Variants in SNTG2 observed in about 807,000 individuals in gnomAD.
SNTG2 encodes syntrophin gamma 2, also known as gamma-2-syntrophin.
In SNTG2, 74 loss-of-function variants were observed where a neutral mutation model predicts 70.9. That is an observed-to-expected ratio of 1.04 (90% CI 0.86 to 1.27). The LOEUF (loss-of-function observed/expected upper bound fraction) is 1.27, where lower values mean the gene tolerates loss of function less well. Ranked by LOEUF, SNTG2 falls within the 50% of genes most tolerant of loss-of-function variation. The probability of loss-of-function intolerance (pLI) is 0.00; values close to 1 mark genes in which losing one functional copy is unlikely to be tolerated. For missense variants in SNTG2, 717 were observed against 690.7 expected (o/e 1.04, Z -0.43); for synonymous variants, 278 against 273.8 (o/e 1.02, Z -0.15).
chr2:1,105,604 T>G (rs1035406243), intron 4 of SNTG2, among the ~76,000 whole-genome samples: 2 of 152,174 alleles, frequency 1.3e-5, no homozygotes, highest in African/African-American at 4.8e-5. Flanking sequence ...GTTCTATACA[T>G]AGATTTTATG....
At chr2:1,236,353 C>T (rs763221018) in intron 9 of SNTG2, among the ~76,000 whole-genome samples, 4 of 152,222 alleles carry the variant, frequency 2.6e-5, no homozygotes, top group Non-Finnish European at 4.4e-5. Context: ...CCACGGGAAG[C>T]GATGGATCCT....
intron 14 of SNTG2, among the ~76,000 whole-genome samples, chr2:1,273,651 A>C (rs1012407836): frequency 6.7e-6 from 1 of 148,666 alleles, no homozygotes; most frequent in African/African-American, 2.5e-5. Context: ...ATATATATAT[A>C]AGTATAAACT....
At chr2:1,240,897 A>G (rs1489542745) in intron 11 of SNTG2, among the ~76,000 whole-genome samples, 2 of 152,324 alleles carry the variant, frequency 1.3e-5, no homozygotes, top group Non-Finnish European at 1.5e-5. Flanking sequence ...TCAAATTAAT[A>G]TAGGATTCAT....
chr2:1,210,214 G>T (rs1321758671), intron 9 of SNTG2, among the ~76,000 whole-genome samples: 1 of 152,170 alleles, frequency 6.6e-6, no homozygotes, highest in Non-Finnish European at 1.5e-5. Context: ...CAGGAACAGG[G>T]ACAGTAAGCT....
intron 1 of SNTG2, among the ~76,000 whole-genome samples, chr2:1,005,878 C>T (rs1472867610): frequency 2.7e-5 from 2 of 72,822 alleles, no homozygotes; most frequent in East Asian, 4.7e-4. Flanking sequence ...TATATATAAA[C>T]GTTGACATTG....
intron 12 of SNTG2, among the ~76,000 whole-genome samples, chr2:1,253,411 C>G (rs1677875920): frequency 6.6e-6 from 1 of 152,194 alleles, no homozygotes. Flanking sequence ...ACTGCACCAT[C>G]GTCCTTCATT....
At chr2:1,220,413 AGGGACCTAT>A (rs1049453219) in intron 9 of SNTG2, among the ~76,000 whole-genome samples, 1 of 152,220 alleles carries the variant, frequency 6.6e-6, no homozygotes, top group Non-Finnish European at 1.5e-5. Flanking sequence ...GCAGCCCGCC[AGGGACCTAT>A]GGGACCTTTG....
At chr2:1,086,305 G>GCTCTCTCGCTCTCTCTGTCT (rs1420132310) in intron 2 of SNTG2, among the ~76,000 whole-genome samples, 75 of 152,266 alleles carry the variant, frequency 4.9e-4, no homozygotes, top group Non-Finnish European at 1.0e-3. Context: ...ACACGGGCTC[G>GCTCTCTCGCTCTCTCTGTCT]CTCTCTCGCT....
At chr2:1,329,052 G>A (rs1681880163) in intron 16 of SNTG2, among the ~76,000 whole-genome samples, 1 of 151,954 alleles carries the variant, frequency 6.6e-6, no homozygotes, top group South Asian at 2.1e-4. Context: ...CCTTTTATAA[G>A]GTATTAGCTG....
At position 1,098,235 on chromosome 2, in the gene SNTG2, T is replaced by C. The variant is rs753217136; in HGVS notation, c.250T>C (p.Leu84=). Residue 84 remains leucine, a synonymous_variant, in exon 3 of 17, where the codon TTG becomes CTG. Transcript: ENST00000308624. ...VTLRRQPVGG[L]GLSIKGGSEH... ...ACTCCGCAGACAGCCAGTTGGCGGC[T>C]TGGGCCTGAGTATAAAGGTATGGAA... 3 of 1,613,928 alleles carry C rather than the reference T, an allele frequency of 1.9e-6. No homozygotes were observed. The highest frequency in any genetic ancestry group is 1.7e-5 in the Admixed American group (1 of 60,012).
chr2:1,331,078 A>T (rs1045535381), intron 16 of SNTG2, among the ~76,000 whole-genome samples: 2 of 152,172 alleles, frequency 1.3e-5, no homozygotes, highest in African/African-American at 4.8e-5. Context: ...TCCAAAAGCA[A>T]GAGTCCCTAA....
At chr2:980,555 T>C (rs568479327) in intron 1 of SNTG2, among the ~76,000 whole-genome samples, 68 of 152,326 alleles carry the variant, frequency 4.5e-4, no homozygotes, top group African/African-American at 1.6e-3. Context: ...TATCACTTAT[T>C]TTACCAAGAA....
At chr2:1,208,362 G>A (rs190509166) in intron 8 of SNTG2, among the ~76,000 whole-genome samples, 87 of 146,260 alleles carry the variant, frequency 5.9e-4, no homozygotes, top group African/African-American at 2.1e-3. Flanking sequence ...CTTGCCGGTC[G>A]CTGGGGCGGC....
At chr2:1,232,069 C>A (rs1676289973) in intron 9 of SNTG2, among the ~76,000 whole-genome samples, 1 of 152,194 alleles carries the variant, frequency 6.6e-6, no homozygotes, top group Admixed American at 6.5e-5. Flanking sequence ...CTGGCCTCAG[C>A]ATGGCCTGCA....
At chr2:1,099,761 G>A (rs1665662960) in intron 4 of SNTG2, among the ~76,000 whole-genome samples, 1 of 150,772 alleles carries the variant, frequency 6.6e-6, no homozygotes, top group Non-Finnish European at 1.5e-5. Flanking sequence ...GCCCCAGTGG[G>A]ATTTGGATTC....
At chr2:1,036,948 G>T (rs1661164257) in intron 1 of SNTG2, among the ~76,000 whole-genome samples, 1 of 152,220 alleles carries the variant, frequency 6.6e-6, no homozygotes, top group Middle Eastern at 3.4e-3. Context: ...AGCCTGGGTT[G>T]TGCCCACATC....
chr2:1,176,220 A>G (rs1358811041), intron 8 of SNTG2, among the ~76,000 whole-genome samples: 1 of 152,204 alleles, frequency 6.6e-6, no homozygotes, highest in Admixed American at 6.5e-5. Flanking sequence ...ATTACAGGGA[A>G]TCTGAATTGC....
intron 1 of SNTG2, among the ~76,000 whole-genome samples, chr2:1,047,591 G>A (rs1009617765): frequency 1.2e-4 from 19 of 152,308 alleles, no homozygotes; most frequent in African/African-American, 4.6e-4. Context: ...TTCATTTGTA[G>A]TTGACCTCTT....
At chr2:1,200,232 A>G (rs1202029788) in intron 8 of SNTG2, among the ~76,000 whole-genome samples, 1 of 151,982 alleles carries the variant, frequency 6.6e-6, no homozygotes, top group Admixed American at 6.6e-5. Context: ...CAGCCAACTA[A>G]TTTTTGACAA....
Sources: allele counts gnomAD v4.1 joint callset (sites outside exome capture counted in the v4.1 genomes callset), GRCh38; gene constraint gnomAD v4.1.1; transcripts MANE v1.5; gene names NCBI Gene and HGNC (gene_info 2026-07-23, HGNC 2026-07-21).